The following ABLIM1 variants were observed in gnomAD, a reference collection of about 807,000 sequenced individuals.
ABLIM1 encodes actin-binding LIM protein 1.
A neutral mutation model predicts 107.0 loss-of-function variants in ABLIM1; 40 were observed. That is an observed-to-expected ratio of 0.37 (90% confidence interval 0.29 to 0.49). ABLIM1 has a LOEUF of 0.49. ABLIM1 is among the 20% of genes least tolerant of loss of function. ABLIM1 has a pLI of 0.97. For synonymous variants in ABLIM1, 357 were observed against 357.3 expected (o/e 1.00, Z 0.01); for missense variants, 857 against 1,008.5 (o/e 0.85, Z 2.04).
chr10:114,466,004 CT>C (rs748348511), intron 11 of ABLIM1, among the ~76,000 whole-genome samples, 177 bp from the exon 12 acceptor site: 3 of 152,092 alleles, frequency 2.0e-5, no homozygotes, highest in Non-Finnish European at 2.9e-5. Context: ...CATTCTGTGG[CT>C]AATATATTTT....
In ABLIM1 at chr10:114,599,785, C is replaced by CAAATAAAT. The variant is rs35940521; in HGVS notation, c.379+2034_379+2041dup. On this transcript the variant is annotated intron_variant, in intron 2 of 22. Transcript: ENST00000533213. ...CTGGCAACAGAGTGAGACTCCATCTCAAATAAATAAATAAATAAATAAATA... is the reference window on the plus strand; with the variant it reads ...CTGGCAACAGAGTGAGACTCCATCTCAAATAAATAAATAAATAAATAAATAAATAAATA... Among the ~76,000 whole-genome samples the CAAATAAAT allele has an allele frequency of 9.3e-3, 1,369 of 147,010 alleles. 9 individuals carry two copies. The highest frequency in any genetic ancestry group is 0.012 in the Non-Finnish European group (807 of 66,724).
intron 15 of ABLIM1, among the ~76,000 whole-genome samples, 172 bp downstream of exon 15, chr10:114,447,708 G>A (rs558514882): frequency 5.9e-5 from 9 of 152,258 alleles, no homozygotes; most frequent in Admixed American, 3.3e-4. Context: ...ACTTTTAAGC[G>A]TTTTGTACAA....
chr10:114,536,557 T>A (rs1273058810), intron 6 of ABLIM1, among the ~76,000 whole-genome samples: 1 of 152,194 alleles, frequency 6.6e-6, no homozygotes, highest in Non-Finnish European at 1.5e-5. Context: ...CCTGACTTTT[T>A]GTTCACATAA....
intron 1 of ABLIM1, among the ~76,000 whole-genome samples, chr10:114,763,525 T>A (rs2082803355): frequency 6.6e-6 from 1 of 151,946 alleles, no homozygotes; most frequent in Admixed American, 6.6e-5. Flanking sequence ...TAGCTGGGAC[T>A]ACAGGTGCAC....
At chr10:114,485,340 G>T (rs746362465) in intron 8 of ABLIM1, 28 of 1,613,082 alleles carry the variant, frequency 1.7e-5, no homozygotes, top group Non-Finnish European at 2.4e-5. Context: ...CAGACTTTTG[G>T]AATAAAAGAA....
In ABLIM1 at chr10:114,491,012, G is replaced by GTGTGTATATATATATATATATATA; in HGVS notation, c.982+778_982+779insTATATATATATATATATATACACA. 6.7e-4 allele frequency among the ~76,000 whole-genome samples: 62 copies of GTGTGTATATATATATATATATATA among 92,356 alleles called. No individual in the cohort carries two copies. The East Asian group carries it at 7.1e-3, about 11-fold the overall frequency. The allele number at this position is 92,356 out of a possible 152,430, so 60.6% of individuals were successfully genotyped here. ...TGTGTGTGTGTGTGTGTGTGTGTGTGTATATATATATATGGTCTATTTTAT... is the reference window on the plus strand; with the variant it reads ...TGTGTGTGTGTGTGTGTGTGTGTGTGTGTGTATATATATATATATATATATATATATATATATGGTCTATTTTAT... On this transcript the variant is annotated intron_variant, in intron 7 of 22. Transcript: ENST00000533213.
intron 7 of ABLIM1, among the ~76,000 whole-genome samples, chr10:114,490,655 G>T (rs2058781074): frequency 6.6e-6 from 1 of 151,858 alleles, no homozygotes; most frequent in Non-Finnish European, 1.5e-5. Context: ...TACACAGATG[G>T]TGCTGTTTGA....
chr10:114,787,305 C>A, the ABLIM1 span, among the ~76,000 whole-genome samples: 3 of 151,812 alleles, frequency 2.0e-5, no homozygotes, highest in Non-Finnish European at 2.9e-5. Context: ...CCAGCAGCCG[C>A]CCCGTCTGAG....
At chr10:114,610,061 C>T (rs1285439346) in intron 1 of ABLIM1, among the ~76,000 whole-genome samples, 2 of 152,210 alleles carry the variant, frequency 1.3e-5, no homozygotes, top group Non-Finnish European at 2.9e-5. Context: ...CTAATGTCCT[C>T]ACTAGGCCCT....
At chr10:114,503,242 G>C (rs901504303) in intron 6 of ABLIM1, among the ~76,000 whole-genome samples, 2 of 152,140 alleles carry the variant, frequency 1.3e-5, no homozygotes, top group Non-Finnish European at 2.9e-5. Flanking sequence ...CTTGAGCCCA[G>C]AAGTTCAAGA....
At chr10:114,631,820 A>G in intron 1 of ABLIM1, 2 of 1,274,454 alleles carry the variant, frequency 1.6e-6, no homozygotes, top group Non-Finnish European at 2.1e-6. Flanking sequence ...CTTTCGATTG[A>G]TCATTCCCCG....
Position 114,653,123 on chromosome 10 carries a change from A to T in ABLIM1, c.244+4834T>A, listed in dbSNP as rs185092734. On this transcript the variant is annotated intron_variant, in intron 1 of 22. Transcript: ENST00000533213. Reference sequence around the variant, plus strand: ...AGGCAGACCTAAGCCCAAATCTAGTACTTATGTGACCTTTGGCAGGTCTCT... The same window carrying T: ...AGGCAGACCTAAGCCCAAATCTAGTTCTTATGTGACCTTTGGCAGGTCTCT... 2.0e-5 allele frequency among the ~76,000 whole-genome samples: 3 copies of T among 152,296 alleles called. No homozygotes were observed. In the East Asian group the frequency reaches 5.8e-4, roughly 29 times the overall value.
chr10:114,700,175 T>G (rs536936219), intron 1 of ABLIM1, among the ~76,000 whole-genome samples: 1 of 152,276 alleles, frequency 6.6e-6, no homozygotes, highest in Non-Finnish European at 1.5e-5. Flanking sequence ...ATAAGTTAAT[T>G]CATTACATAT....
intron 1 of ABLIM1, among the ~76,000 whole-genome samples, chr10:114,682,115 T>C (rs2080775095): frequency 6.6e-6 from 1 of 152,220 alleles, no homozygotes; most frequent in Non-Finnish European, 1.5e-5. Context: ...ATATTTAAAC[T>C]ATGTTAACGA....
At chr10:114,623,788 G>A (rs1285060033) in intron 1 of ABLIM1, among the ~76,000 whole-genome samples, 1 of 152,178 alleles carries the variant, frequency 6.6e-6, no homozygotes, top group Non-Finnish European at 1.5e-5. Context: ...CACTGTCCTA[G>A]ACAGTAATTT....
chr10:114,617,854 T>A (rs921537881), intron 1 of ABLIM1, among the ~76,000 whole-genome samples: 1 of 152,178 alleles, frequency 6.6e-6, no homozygotes, highest in Admixed American at 6.5e-5. Flanking sequence ...GTGGCTCACA[T>A]GTGTAATCCC....
the ABLIM1 span, chr10:114,779,866 T>C: frequency 5.1e-4 from 77 of 152,192 alleles, no homozygotes; most frequent in African/African-American, 1.7e-3. Context: ...ACTATACGTC[T>C]AGGAAAGATC....
chr10:114,465,555 T>C, intron 12 of ABLIM1, 143 bp downstream of exon 12: 1 of 948,374 alleles, frequency 1.1e-6, no homozygotes, highest in Non-Finnish European at 1.5e-6. Flanking sequence ...TAAAATATAG[T>C]TGGATACCAG....
At chr10:114,750,314 C>T (rs2082482992) in intron 1 of ABLIM1, among the ~76,000 whole-genome samples, 1 of 152,224 alleles carries the variant, frequency 6.6e-6, no homozygotes, top group African/African-American at 2.4e-5. Flanking sequence ...GTTAACTTGA[C>T]TGAATCGTTA....
Sources: gnomAD v4.1 joint callset for allele counts (sites outside exome capture counted in the v4.1 genomes callset) on GRCh38, gnomAD v4.1.1 for gene constraint, MANE v1.5 for transcripts, NCBI Gene and HGNC (gene_info 2026-07-23, HGNC 2026-07-21) for gene names.